ACOT7: variants seen among roughly 807,000 people sequenced by gnomAD.
The protein encoded by ACOT7 is cytosolic acyl coenzyme A thioester hydrolase.
In ACOT7, 12 loss-of-function variants were observed where a neutral mutation model predicts 40.2. That is an observed-to-expected ratio of 0.30 (90% CI 0.19 to 0.48). ACOT7 has a LOEUF of 0.48. Among genes scored for constraint, ACOT7 ranks in the 20% least tolerant of loss-of-function variants. The probability of loss-of-function intolerance (pLI) is 0.99; values close to 1 mark genes in which losing one functional copy is unlikely to be tolerated. For synonymous variants in ACOT7, 228 were observed against 219.5 expected, an observed-to-expected ratio of 1.04 and a Z score of -0.34; for missense variants, 395 against 530.8, an observed-to-expected ratio of 0.74 and a Z score of 2.51.
chr1:6,339,408 T>G, intron 3 of ACOT7, 25 bp downstream of exon 3: 1 of 1,611,930 alleles, frequency 6.2e-7, no homozygotes, highest in Admixed American at 1.7e-5. Flanking sequence ...ACTGCTCCAG[T>G]CAACACTGTC....
At chr1:6,295,071 CT>C in intron 6 of ACOT7, 91 bp from the exon 7 acceptor site, 1 of 982,478 alleles carries the variant, frequency 1.0e-6, no homozygotes. Context: ...GAGCCCTCCC[CT>C]CCCACTAGCC....
chr1:6,334,576 A>C (rs1641049526), intron 3 of ACOT7, among the ~76,000 whole-genome samples: 1 of 152,234 alleles, frequency 6.6e-6, no homozygotes, highest in Admixed American at 6.5e-5. Context: ...GTGTGCTGCC[A>C]GCCCATCCAA....
chr1:6,383,023 C>T (rs1039222237), intron 1 of ACOT7, among the ~76,000 whole-genome samples: 2 of 150,878 alleles, frequency 1.3e-5, no homozygotes, highest in South Asian at 4.3e-4. Context: ...GGACTACAGG[C>T]GTGGGCTACC....
intron 4 of ACOT7, among the ~76,000 whole-genome samples, chr1:6,328,067 C>T (rs185674264): frequency 1.3e-3 from 200 of 152,252 alleles, no homozygotes; most frequent in Non-Finnish European, 2.4e-3. Flanking sequence ...CCACCGTGCC[C>T]GGCCCCCGCT....
At position 6,294,985 on chromosome 1, in the gene ACOT7, G is replaced by A. The variant is rs370938238; in HGVS notation, c.713-5C>T. On this transcript the variant is annotated splice_polypyrimidine_tract_variant and splice_region_variant and intron_variant, in intron 6 of 8. Transcript: ENST00000361521. This position sits in a 1 kb window ranked among gnomAD's most constrained non-coding sequence, Gnocchi z 4.6. ...CCATGAGCTTCATGGTCACACCTGC[G>A]GAGAAAGGGACATGCGGCAGATGAG... 1.8e-5 allele frequency: 29 copies of A among 1,605,964 alleles called. No individual in the cohort carries two copies. Among genetic ancestry groups the A allele is most frequent in the African/African-American group, 5.3e-5 (4 of 74,774 alleles).
At chr1:6,290,600 G>T (rs1639637038) in intron 7 of ACOT7, among the ~76,000 whole-genome samples, 1 of 152,202 alleles carries the variant, frequency 6.6e-6, no homozygotes, top group Non-Finnish European at 1.5e-5. Flanking sequence ...CTTGACTTAA[G>T]GTTAATACTA....
At chr1:6,320,273 C>A (rs535073642) in intron 5 of ACOT7, among the ~76,000 whole-genome samples, 1 of 152,214 alleles carries the variant, frequency 6.6e-6, no homozygotes, top group African/African-American at 2.4e-5. Context: ...GTAAACCTCG[C>A]CCACTGCTAT....
chr1:6,329,505 G>A (rs576102930), intron 4 of ACOT7, among the ~76,000 whole-genome samples: 10 of 151,542 alleles, frequency 6.6e-5, no homozygotes, highest in African/African-American at 2.4e-4. Context: ...TTTTTTTAAA[G>A]GAGCCAGCCC....
Position 6,296,487 on chromosome 1 carries a change from G to A in ACOT7, c.713-1507C>T, listed in dbSNP as rs181838594. 6.9e-4 allele frequency among the ~76,000 whole-genome samples: 104 copies of A among 151,574 alleles called. 1 individual carries two copies. The East Asian group carries it at 0.012, about 18-fold the overall frequency. ...CGCCCAGGCTGGAGTGCACTGGCGC[G>A]ATCTCCGCTCACCGCAACCTCTGCC... is the stretch of plus-strand genomic sequence containing the variant. On this transcript the variant is annotated intron_variant, in intron 6 of 8. Coordinates refer to ENST00000361521, the MANE Select transcript of ACOT7 (RefSeq NM_007274.4).
At chr1:6,356,221 G>A (rs1227518314) in intron 1 of ACOT7, among the ~76,000 whole-genome samples, 2 of 152,128 alleles carry the variant, frequency 1.3e-5, no homozygotes, top group Admixed American at 6.6e-5. Flanking sequence ...GCAGCCTCCC[G>A]TCAAACCTTC....
intron 2 of ACOT7, among the ~76,000 whole-genome samples, chr1:6,348,219 C>CA (rs1557662043): frequency 2.0e-5 from 3 of 152,140 alleles, no homozygotes; most frequent in Admixed American, 2.0e-4. Context: ...CAGGCACTGC[C>CA]AGCAAACCCA....
intron 6 of ACOT7, 168 bp from the exon 7 acceptor site, chr1:6,295,148 T>C (rs1639777980): frequency 6.0e-6 from 3 of 498,820 alleles, no homozygotes. Context: ...GCTCACGCGC[T>C]ACATGGGGCT....
At position 6,288,848 on chromosome 1, in the gene ACOT7, C is replaced by A. The variant is rs1489771513; in HGVS notation, c.829+6016G>T. On this transcript the variant is annotated intron_variant, in intron 7 of 8. Coordinates refer to ENST00000361521, the MANE Select transcript of ACOT7 (RefSeq NM_007274.4). This position sits in a 1 kb window ranked among gnomAD's most constrained non-coding sequence, Gnocchi z 4.3. ...CTGAAACTCAAAGTTATCTTCTGAA[C>A]CCCTGGGCCAATGTCTGGATGAAGC... Among the ~76,000 whole-genome samples the A allele has an allele frequency of 6.6e-6, 1 of 152,236 alleles. No individual in the cohort carries two copies. Among genetic ancestry groups the A allele is most frequent in the Non-Finnish European group, 1.5e-5 (1 of 68,038 alleles).
At chr1:6,315,619 C>T (rs57851079) in intron 6 of ACOT7, among the ~76,000 whole-genome samples, 4 of 151,572 alleles carry the variant, frequency 2.6e-5, no homozygotes, top group Admixed American at 6.6e-5. Context: ...GGCGTGGTGG[C>T]GGGCACCTGT....
intron 5 of ACOT7, among the ~76,000 whole-genome samples, chr1:6,324,611 AC>A (rs1381209254): frequency 6.6e-6 from 1 of 151,716 alleles, no homozygotes. Flanking sequence ...TGCTGCCCAC[AC>A]CCCCCGGGGT....
chr1:6,268,410 A>G (rs1638916368), intron 8 of ACOT7, among the ~76,000 whole-genome samples: 1 of 152,234 alleles, frequency 6.6e-6, no homozygotes, highest in Non-Finnish European at 1.5e-5. Context: ...TTAAAAAGCT[A>G]GAAAAGCAAA....
Position 6,393,407 on chromosome 1 carries a change from G to C in ACOT7, c.-8C>G. On this transcript the variant is annotated 5_prime_UTR_variant, in exon 1 of 9. Coordinates refer to ENST00000361521, the MANE Select transcript of ACOT7 (RefSeq NM_007274.4). The stretch of plus-strand genomic sequence containing the variant: ...GAGCCCGGGCCGCGCCATAAAGGGG[G>C]AGGGCAGAGGTGGAGCGATGGGGCT... 1.6e-6 allele frequency: 2 copies of C among 1,227,612 alleles called. No individual in the cohort carries two copies. The highest frequency in any genetic ancestry group is 3.0e-4 in the Middle Eastern group (1 of 3,332). 76.0% of individuals were successfully genotyped at this position (1,227,612 alleles called of 1,614,324 possible).
At chr1:6,351,620 A>G (rs1557663606) in intron 1 of ACOT7, among the ~76,000 whole-genome samples, 1 of 152,198 alleles carries the variant, frequency 6.6e-6, no homozygotes, top group Non-Finnish European at 1.5e-5. Context: ...GTGGGTGCGG[A>G]GAGCAGGGCC....
intron 2 of ACOT7, among the ~76,000 whole-genome samples, chr1:6,346,036 G>A (rs1441576329): frequency 6.6e-6 from 1 of 152,242 alleles, no homozygotes; most frequent in African/African-American, 2.4e-5. Context: ...AAGCACAGCA[G>A]GTCAGGAGTG....
Sources: gnomAD v4.1 joint callset for allele counts (sites outside exome capture counted in the v4.1 genomes callset) on GRCh38, gnomAD v4.1.1 for gene constraint, Gnocchi (gnomAD v3.1) non-coding constraint, MANE v1.5 for transcripts, NCBI Gene and HGNC (gene_info 2026-07-23, HGNC 2026-07-21) for gene names.